The following NHLRC2 variants were observed in gnomAD, a reference collection of about 807,000 sequenced individuals.
NHLRC2 encodes the protein NHL repeat containing 2.
In NHLRC2, 33 loss-of-function variants were observed where a neutral mutation model predicts 68.1. That is an observed-to-expected ratio of 0.48 (90% confidence interval 0.37 to 0.65). NHLRC2 has a LOEUF of 0.65. Among genes scored for constraint, NHLRC2 ranks in the 30% least tolerant of loss-of-function variants. NHLRC2 has a pLI of 0.00. For synonymous variants in NHLRC2, 311 were observed against 309.6 expected (o/e 1.00, Z -0.05); for missense variants, 761 against 853.8 (o/e 0.89, Z 1.35).
intron 2 of NHLRC2, among the ~76,000 whole-genome samples, chr10:113,873,094 A>G (rs1331956704): frequency 2.0e-5 from 3 of 152,208 alleles, no homozygotes; most frequent in Non-Finnish European, 4.4e-5. Context: ...TTTCACAAAT[A>G]ACGTACAAAG....
chr10:113,894,781 G>A (rs1846163239), intron 5 of NHLRC2, among the ~76,000 whole-genome samples: 1 of 152,028 alleles, frequency 6.6e-6, no homozygotes, highest in Non-Finnish European at 1.5e-5. Flanking sequence ...ATGAATGGAA[G>A]CTTGTTGGAG....
At chr10:113,879,483 T>G (rs1846017349) in intron 3 of NHLRC2, 91 bp from the exon 4 acceptor site, 1 of 1,154,660 alleles carries the variant, frequency 8.7e-7, no homozygotes, top group Non-Finnish European at 1.2e-6. Flanking sequence ...TTTTTTATAT[T>G]AAAATCCCAG....
chr10:113,891,025 G>A (rs184420803), intron 5 of NHLRC2, among the ~76,000 whole-genome samples: 75 of 152,200 alleles, frequency 4.9e-4, no homozygotes, highest in Non-Finnish European at 9.0e-4. Context: ...CAGCAAGAGG[G>A]AAACTACCCC....
At position 113,879,587 on chromosome 10, in the gene NHLRC2, A is replaced by G. The variant is rs1233567360; in HGVS notation, c.801A>G (p.Gly267=). The change falls in exon 4 of 11, where the codon GGA becomes GGG. Residue 267 remains glycine (G), a synonymous_variant. Transcript: ENST00000369301. The part of the protein sequence containing the change: ...IQYSIGGPNP[G]RKDGIFSEST... ...ATCTTATTTTAGGACCCAACCCTGG[A>G]AGAAAAGATGGAATATTTTCAGAAT... 6.2e-7 allele frequency: 1 copy of G among 1,602,698 alleles called. No homozygotes were observed. Among genetic ancestry groups the G allele is most frequent in the South Asian group, 1.1e-5 (1 of 88,946 alleles).
chr10:113,895,651 A>G (rs1846169261), intron 5 of NHLRC2, among the ~76,000 whole-genome samples: 1 of 152,092 alleles, frequency 6.6e-6, no homozygotes, highest in South Asian at 2.1e-4. Flanking sequence ...CTTTGCTTAC[A>G]CTGTTTTATT....
At chr10:113,903,242 T>A (rs554665985) in intron 8 of NHLRC2, among the ~76,000 whole-genome samples, 27 of 151,838 alleles carry the variant, frequency 1.8e-4, no homozygotes, top group African/African-American at 2.4e-4. Flanking sequence ...TAAAAAAAAA[T>A]TTTTTTTAAT....
Position 113,854,704 on chromosome 10 carries a change from G to A in NHLRC2, c.-169G>A, listed in dbSNP as rs886655204. On this transcript the variant is annotated 5_prime_UTR_variant, in exon 1 of 11. Coordinates refer to ENST00000369301, the MANE Select transcript of NHLRC2 (RefSeq NM_198514.4). ...GGAACTGCGCCGATTTGGACTTTTG[G>A]CACTTGGACCTATGCTTTAAAAAGA... 5.1e-6 allele frequency: 3 copies of A among 587,192 alleles called. No homozygotes were observed. The highest frequency in any genetic ancestry group is 8.8e-6 in the Non-Finnish European group (3 of 339,340). 36.4% of individuals were successfully genotyped at this position (587,192 alleles called of 1,614,324 possible).
Position 113,900,835 on chromosome 10 carries a change from C to G in NHLRC2, c.1140-831C>G, listed in dbSNP as rs1393013637. ...ATTAGCCAGTAAGTGATGGTGAGTT[C>G]AGACTTTTGCATGTTGTACCATATT... is the stretch of plus-strand genomic sequence containing the variant. On this transcript the variant is annotated intron_variant, in intron 6 of 10. Transcript: ENST00000369301. Among the ~76,000 whole-genome samples, 7 of 152,106 alleles carry G rather than the reference C, an allele frequency of 4.6e-5. No homozygotes were observed. The East Asian group carries it at 1.3e-3, about 29-fold the overall frequency.
intron 2 of NHLRC2, among the ~76,000 whole-genome samples, chr10:113,865,516 C>T (rs771788998): frequency 2.7e-5 from 4 of 148,000 alleles, no homozygotes; most frequent in Admixed American, 6.8e-5. Flanking sequence ...AGGAAAAGCA[C>T]GAGAAATAGT....
At chr10:113,864,721 C>A (rs1326092557) in intron 2 of NHLRC2, among the ~76,000 whole-genome samples, 1 of 150,386 alleles carries the variant, frequency 6.6e-6, no homozygotes, top group East Asian at 2.0e-4. Flanking sequence ...CACACACACA[C>A]ACAAAAATGG....
intron 8 of NHLRC2, 107 bp from the exon 9 acceptor site, chr10:113,903,420 G>A: frequency 1.4e-6 from 1 of 712,898 alleles, no homozygotes; most frequent in Non-Finnish European, 2.5e-6. Flanking sequence ...GACTTATTGA[G>A]AATATTAATG....
intron 1 of NHLRC2, among the ~76,000 whole-genome samples, chr10:113,855,695 CA>C (rs1845746089): frequency 6.6e-6 from 1 of 152,104 alleles, no homozygotes; most frequent in Admixed American, 6.5e-5. Flanking sequence ...GACGGCGTTT[CA>C]CTATGTTGGC....
At chr10:113,903,468 C>A in intron 8 of NHLRC2, 59 bp from the exon 9 acceptor site, 1 of 1,023,676 alleles carries the variant, frequency 9.8e-7, no homozygotes, top group Non-Finnish European at 1.5e-6. Flanking sequence ...CATACTCTTC[C>A]ATACAACAAA....
chr10:113,854,846 C>G lies in NHLRC2; in HGVS notation c.-27C>G. On this transcript the variant is annotated 5_prime_UTR_variant, in exon 1 of 11. Coordinates refer to ENST00000369301, the MANE Select transcript of NHLRC2 (RefSeq NM_198514.4). ...CAGCGAGACTCTCCCGCGGGCCCGG[C>G]GGCCGCATCGGGAGCCCGGCGGAAA... is the stretch of plus-strand genomic sequence containing the variant. 6.5e-7 allele frequency: 1 copy of G among 1,527,442 alleles called. No individual in the cohort carries two copies. The highest frequency in any genetic ancestry group is 8.8e-7 in the Non-Finnish European group (1 of 1,137,462). The allele number at this position is 1,527,442 out of a possible 1,614,324, so 94.6% of individuals were successfully genotyped here.
chr10:113,867,777 C>T lies in NHLRC2; in HGVS notation c.332-8744C>T, dbSNP rs150597405. On this transcript the variant is annotated intron_variant, in intron 2 of 10. Coordinates refer to ENST00000369301, the MANE Select transcript of NHLRC2 (RefSeq NM_198514.4). ...TTGTTTTTGTTTTTTTAGCATCTTT[C>T]GAAATGCCTCAAATAGTCTCAATCC... is the stretch of plus-strand genomic sequence containing the variant. Among the ~76,000 whole-genome samples the T allele has an allele frequency of 2.5e-3, 376 of 152,092 alleles. 1 individual carries two copies. The highest frequency in any genetic ancestry group is 4.2e-3 in the Non-Finnish European group (283 of 68,010).
intron 10 of NHLRC2, 123 bp from the exon 11 acceptor site, chr10:113,908,157 A>C: frequency 2.9e-6 from 2 of 696,614 alleles, no homozygotes; most frequent in Non-Finnish European, 4.8e-6. Flanking sequence ...ACAGACCGCA[A>C]TGCCTGGCAC....
Position 113,854,900 on chromosome 10 carries a change from A to C in NHLRC2, c.28A>C (p.Ser10Arg). 1 of 1,550,048 alleles carries C rather than the reference A, an allele frequency of 6.5e-7. No homozygotes were observed. MAAPGGRGR[S>R]LSGLLPAQTS... is the part of the protein sequence containing the mutation. Reference sequence around the variant, plus strand: ...GGCGGCGCCCGGAGGCCGGGGCCGCAGCCTCTCCGGCCTGCTCCCCGCGCA... The same window carrying C: ...GGCGGCGCCCGGAGGCCGGGGCCGCCGCCTCTCCGGCCTGCTCCCCGCGCA... Residue 10 changes from serine to arginine, a missense_variant, in exon 1 of 11, where the codon AGC (serine) becomes CGC (arginine). Transcript: ENST00000369301.
rs79342459 is a variant in NHLRC2 at position 113,870,799 on chromosome 10, G to A, written c.332-5722G>A. Among the ~76,000 whole-genome samples the A allele has an allele frequency of 5.8e-3, 886 of 152,166 alleles. 9 individuals are homozygous for A. Among genetic ancestry groups the A allele is most frequent in the African/African-American group, 0.019 (806 of 41,530 alleles). On this transcript the variant is annotated intron_variant, in intron 2 of 10. Transcript: ENST00000369301. ...TTCTCAGATGCTGCTTCAATAAACTGTCTTGACATACTTTTTAATTTTTAC... is the reference window on the plus strand; with the variant it reads ...TTCTCAGATGCTGCTTCAATAAACTATCTTGACATACTTTTTAATTTTTAC...
At chr10:113,856,177 T>G (rs1845756199) in intron 1 of NHLRC2, among the ~76,000 whole-genome samples, 1 of 152,240 alleles carries the variant, frequency 6.6e-6, no homozygotes, top group African/African-American at 2.4e-5. Context: ...TATCTTGCCA[T>G]GATAAATGAA....
Sources: allele counts gnomAD v4.1 joint callset (sites outside exome capture counted in the v4.1 genomes callset), GRCh38; gene constraint gnomAD v4.1.1; transcripts MANE v1.5; gene names NCBI Gene and HGNC (gene_info 2026-07-23, HGNC 2026-07-21).